Variants in TPCN1 observed in about 807,000 individuals in gnomAD.
The protein encoded by TPCN1 is two pore segment channel 1.
A neutral mutation model predicts 108.8 loss-of-function variants in TPCN1; 52 were observed. The observed-to-expected ratio is 0.48, with a 90% CI of 0.38 to 0.60. The LOEUF (loss-of-function observed/expected upper bound fraction) is 0.60. Ranked by LOEUF, TPCN1 falls within the 20% of genes least tolerant of loss-of-function variation. The probability of loss-of-function intolerance (pLI) is 0.00; values close to 1 mark genes in which losing one functional copy is unlikely to be tolerated. For synonymous variants in TPCN1, 446 were observed against 433.7 expected (o/e 1.03, Z -0.35); for missense variants, 806 against 1,072.8 (o/e 0.75, Z 3.47).
Position 113,273,644 on chromosome 12 carries a change from C to T in TPCN1, c.918C>T (p.Ile306=), listed in dbSNP as rs531467833. Residue 306 remains isoleucine, a synonymous_variant, in exon 10 of 28, where the codon ATC becomes ATT. Transcript: ENST00000335509. This position sits in a 1 kb window ranked among gnomAD's most constrained non-coding sequence, Gnocchi z 4.0. ...TCTTCTTCATCGTGTACCTCTCCAT[C>T]GAGCTGTATTTCATCATGAACCTGG... ...SCVFFIVYLS[I]ELYFIMNLLL... 84 of 1,614,062 alleles carry T rather than the reference C, an allele frequency of 5.2e-5. No homozygotes were observed. Among genetic ancestry groups the T allele is most frequent in the Middle Eastern group, 1.6e-4 (1 of 6,084 alleles).
intron 18 of TPCN1, 39 bp downstream of exon 18, chr12:113,286,000 C>G (rs1956062996): frequency 6.4e-7 from 1 of 1,562,306 alleles, no homozygotes; most frequent in Non-Finnish European, 8.8e-7. Context: ...AGCTGAGACT[C>G]TTGAGGATGG....
At chr12:113,290,085 C>A (rs762026881) in intron 21 of TPCN1, 43 bp from the exon 22 acceptor site, 2 of 1,286,770 alleles carry the variant, frequency 1.6e-6, no homozygotes, top group African/African-American at 1.5e-5. Context: ...GGTGACTGAT[C>A]GCCTTGTGAC....
chr12:113,224,639 G>A lies in TPCN1; in HGVS notation c.-125-2089G>A, dbSNP rs541564623. 1.8e-3 allele frequency among the ~76,000 whole-genome samples: 281 copies of A among 152,098 alleles called. 2 individuals carry two copies. The highest frequency in any genetic ancestry group is 6.0e-3 in the African/African-American group (249 of 41,478). Reference sequence around the variant, plus strand: ...TCTTGATCTCCTGACCTCGTGATCCGCCCGCCTCGGCCTCCCAAAGTGCTG... The same window carrying A: ...TCTTGATCTCCTGACCTCGTGATCCACCCGCCTCGGCCTCCCAAAGTGCTG... On this transcript the variant is annotated intron_variant, in intron 1 of 27. Coordinates refer to ENST00000335509, the MANE Select transcript of TPCN1 (RefSeq NM_017901.6).
chr12:113,224,068 T>C (rs1953376295), intron 1 of TPCN1, among the ~76,000 whole-genome samples: 1 of 152,212 alleles, frequency 6.6e-6, no homozygotes, highest in East Asian at 1.9e-4. Context: ...ATTTTAAATC[T>C]GTATATATGA....
chr12:113,288,012 T>G lies in TPCN1; in HGVS notation c.1635-151T>G. On this transcript the variant is annotated intron_variant, in intron 19 of 27. Transcript: ENST00000335509. This position sits in a 1 kb window ranked among gnomAD's most constrained non-coding sequence, Gnocchi z 4.8. ...GAATCACCTGAGCCCAGCTCAGGGT[T>G]GGTGGCGCCCAAGGGAGTGGACGCA... 3 of 691,756 alleles carry G rather than the reference T, an allele frequency of 4.3e-6. No homozygotes were observed. The highest frequency in any genetic ancestry group is 7.2e-6 in the Non-Finnish European group (3 of 415,264). 42.9% of individuals were successfully genotyped at this position (691,756 alleles called of 1,614,324 possible).
intron 25 of TPCN1, chr12:113,292,247 CT>C: frequency 2.4e-6 from 1 of 411,332 alleles, no homozygotes; most frequent in South Asian, 3.0e-5. Flanking sequence ...CCTGCCCTGC[CT>C]TTCCCTCCCG....
Position 113,293,080 on chromosome 12 carries a change from A to G in TPCN1, c.2253+7A>G, listed in dbSNP as rs1593218779. 1 of 1,609,618 alleles carries G rather than the reference A, an allele frequency of 6.2e-7. No homozygotes were observed. The highest frequency in any genetic ancestry group is 8.5e-7 in the Non-Finnish European group (1 of 1,177,902). ...CCAGATGGAGAGATACCAGGTGAGG[A>G]GCCCAGGCCCTGGTCCGAAGGAGGG... On this transcript the variant is annotated splice_region_variant and intron_variant, in intron 26 of 27. Coordinates refer to ENST00000335509, the MANE Select transcript of TPCN1 (RefSeq NM_017901.6).
intron 14 of TPCN1, among the ~76,000 whole-genome samples, chr12:113,279,359 G>GTGTATATA (rs1555268764): frequency 4.9e-5 from 2 of 41,006 alleles, no homozygotes; most frequent in African/African-American, 2.4e-4. Flanking sequence ...GTGTGTGTGT[G>GTGTATATA]TATATATATA....
intron 24 of TPCN1, 98 bp from the exon 25 acceptor site, chr12:113,291,776 C>G (rs1956277476): frequency 6.4e-7 from 1 of 1,568,868 alleles, no homozygotes; most frequent in South Asian, 1.1e-5. Context: ...GGGCTGGGTC[C>G]CATCTGGCCG....
At chr12:113,223,149 A>G (rs1400355414) in intron 1 of TPCN1, among the ~76,000 whole-genome samples, 3 of 151,868 alleles carry the variant, frequency 2.0e-5, no homozygotes, top group East Asian at 1.9e-4. Flanking sequence ...GAAACTTAAG[A>G]AAAAAAAACT....
intron 25 of TPCN1, chr12:113,292,589 C>T (rs1387179650): frequency 9.0e-6 from 2 of 222,210 alleles, no homozygotes; most frequent in Non-Finnish European, 1.8e-5. Context: ...GAGTGAGACC[C>T]TGTCTCTTAA....
chr12:113,226,062 G>A (rs756288818), intron 1 of TPCN1, among the ~76,000 whole-genome samples: 5 of 148,830 alleles, frequency 3.4e-5, no homozygotes, highest in African/African-American at 7.4e-5. Context: ...TTTTCTGTGT[G>A]TATGCTTACC....
At chr12:113,240,577 C>A (rs903553846) in intron 2 of TPCN1, among the ~76,000 whole-genome samples, 4 of 152,146 alleles carry the variant, frequency 2.6e-5, no homozygotes, top group Admixed American at 6.5e-5. Flanking sequence ...GGATGTGAAC[C>A]TTTCCTCCGT....
intron 3 of TPCN1, among the ~76,000 whole-genome samples, chr12:113,263,553 G>T: frequency 6.6e-6 from 1 of 152,262 alleles, no homozygotes; most frequent in East Asian, 1.9e-4. Flanking sequence ...GAGCCTCTGT[G>T]CCCGGCTCAA....
At chr12:113,246,966 G>A (rs144714030) in intron 2 of TPCN1, among the ~76,000 whole-genome samples, 1 of 152,168 alleles carries the variant, frequency 6.6e-6, no homozygotes, top group Non-Finnish European at 1.5e-5. Context: ...CCAAAGATGC[G>A]AGTGCCAGTC....
Position 113,296,007 on chromosome 12 carries a change from C to A in TPCN1, c.2382C>A (p.Leu794=). The change falls in exon 28 of 28, where the codon CTC becomes CTA. Residue 794 remains leucine, a synonymous_variant. Transcript: ENST00000335509. ...GGGAGCAAGAGCAGCAGCGACAACTCAGCAGCAGTGCAGCCCCCGCCGCCC... is the reference window on the plus strand; with the variant it reads ...GGGAGCAAGAGCAGCAGCGACAACTAAGCAGCAGTGCAGCCCCCGCCGCCC... The part of the protein sequence containing the change: ...HAREQEQQRQ[L]SSSAAPAAQQ... The A allele has an allele frequency of 6.2e-7, 1 of 1,612,852 alleles. No homozygotes were observed. The highest frequency in any genetic ancestry group is 8.5e-7 in the Non-Finnish European group (1 of 1,179,758).
At chr12:113,253,904 C>A (rs1954738191) in intron 2 of TPCN1, among the ~76,000 whole-genome samples, 1 of 152,200 alleles carries the variant, frequency 6.6e-6, no homozygotes, top group Admixed American at 6.5e-5. Flanking sequence ...TAAACCTCAA[C>A]AAATGTTTGC....
Position 113,272,759 on chromosome 12 carries a change from G to A in TPCN1, c.783+67G>A, listed in dbSNP as rs1031065159. 7.4e-6 allele frequency: 11 copies of A among 1,493,494 alleles called. No homozygotes were observed. Among genetic ancestry groups the A allele is most frequent in the Admixed American group, 6.7e-5 (4 of 59,796 alleles). 92.5% of individuals were successfully genotyped at this position (1,493,494 alleles called of 1,614,324 possible). On this transcript the variant is annotated intron_variant, in intron 8 of 27. Transcript: ENST00000335509. The surrounding 1 kb of genome is among the most constrained non-coding windows in gnomAD (Gnocchi z 4.1). ...GGCTTTTCCCTCAGACAGGGTCACC[G>A]GCGTGACCCTGTGGCCATATGGGGA...
At chr12:113,274,430 A>G (rs1955606795) in intron 10 of TPCN1, among the ~76,000 whole-genome samples, 1 of 152,174 alleles carries the variant, frequency 6.6e-6, no homozygotes, top group South Asian at 2.1e-4. Context: ...CCTGGGCAAC[A>G]GCACGAGACT....
Sources: gnomAD v4.1 joint callset for allele counts (sites outside exome capture counted in the v4.1 genomes callset) on GRCh38, gnomAD v4.1.1 for gene constraint, Gnocchi (gnomAD v3.1) non-coding constraint, MANE v1.5 for transcripts, NCBI Gene and HGNC (gene_info 2026-07-23, HGNC 2026-07-21) for gene names.